The following GAS2L2 variants were observed in gnomAD, a reference collection of about 807,000 sequenced individuals.
GAS2L2 encodes the protein growth arrest specific 2 like 2, also known as GAS2-like protein 2.
In GAS2L2, 21 loss-of-function variants were observed where a neutral mutation model predicts 35.2. The observed-to-expected ratio is 0.60, with a 90% CI of 0.42 to 0.86. The LOEUF (loss-of-function observed/expected upper bound fraction) is 0.86. Ranked by LOEUF, GAS2L2 falls within the 40% of genes least tolerant of loss-of-function variation. The probability of loss-of-function intolerance (pLI) is 0.00; values close to 1 mark genes in which losing one functional copy is unlikely to be tolerated. For synonymous variants in GAS2L2, 490 were observed against 473.2 expected, an observed-to-expected ratio of 1.04 and a Z score of -0.46; for missense variants, 1,169 against 1,144.4, an observed-to-expected ratio of 1.02 and a Z score of -0.31.
intron 4 of GAS2L2, among the ~76,000 whole-genome samples, chr17:35,747,474 G>T (rs2085676244): frequency 6.6e-6 from 1 of 152,122 alleles, no homozygotes; most frequent in African/African-American, 2.4e-5. Context: ...TTTAGTGCGG[G>T]TACACAACTT....
chr17:35,750,452 T>G, intron 1 of GAS2L2, 134 bp from the exon 2 acceptor site: 2 of 1,249,420 alleles, frequency 1.6e-6, no homozygotes, highest in Non-Finnish European at 2.3e-6. Flanking sequence ...TGGGGAGTGG[T>G]TTGGGTCTCA....
In GAS2L2 at chr17:35,745,849, G is replaced by A. The variant is rs782094861; in HGVS notation, c.1648C>T (p.His550Tyr). 25 of 1,613,816 alleles carry A rather than the reference G, an allele frequency of 1.5e-5. No individual in the cohort carries two copies. Among genetic ancestry groups the A allele is most frequent in the Non-Finnish European group, 1.9e-5 (22 of 1,180,028 alleles). ...CTCACTTCCACAGAGCAGTCCCCAT[G>A]CGTGGACCCAGCCAGGTCCACAGTG... ...AVTVDLAGST[H>Y]GDCSVEVRQE... The change falls in exon 6 of 6, where the codon CAT becomes TAT. Residue 550 changes from histidine to tyrosine, a missense_variant. Physicochemically the swap from His to Tyr is moderately conservative, Grantham distance 83. Coordinates refer to ENST00000604641, the MANE Select transcript of GAS2L2 (RefSeq NM_139285.4).
Position 35,750,195 on chromosome 17 carries a change from T to C in GAS2L2, c.509A>G (p.Gln170Arg), listed in dbSNP as rs782120985. ...RFGVAAPTLVQLEEEIEEEVR... is the reference protein window; with the variant it reads ...RFGVAAPTLVRLEEEIEEEVR... ...CTCCTCCTCGATCTCCTCCTCCAGC[T>C]GCACGAGTGTGGGCGCCGCAACACC... The change falls in exon 2 of 6, where the codon CAG (glutamine) becomes CGG (arginine). Residue 170 changes from glutamine (Q) to arginine (R), a missense_variant. Transcript: ENST00000604641. 1.2e-6 allele frequency: 2 copies of C among 1,613,598 alleles called. No individual in the cohort carries two copies. Among genetic ancestry groups the C allele is most frequent in the Admixed American group, 3.3e-5 (2 of 59,984 alleles).
intron 1 of GAS2L2, 121 bp from the exon 2 acceptor site, chr17:35,750,439 A>G: frequency 7.4e-7 from 1 of 1,350,070 alleles, no homozygotes; most frequent in South Asian, 1.2e-5. Flanking sequence ...GGGGCAGCAG[A>G]CATGGGGAGT....
rs782236625 is a variant in GAS2L2, at chr17:35,752,841, G to T, written c.10C>A (p.Pro4Thr). The change falls in exon 1 of 6, where the codon CCT (proline) becomes ACT (threonine). Residue 4 changes from proline to threonine, a missense_variant. Pro to Thr is a conservative substitution (Grantham distance 38). This residue lies in a region of GAS2L2 where 127 missense variants were observed against 146.1 expected (regional missense o/e 0.87). Coordinates refer to ENST00000604641, the MANE Select transcript of GAS2L2 (RefSeq NM_139285.4). Reference sequence around the variant, plus strand: ...CTGGGCTTCCTCCTGCCTCCCGCAGGCTGGGACATGGCTGGACCCCAGCAG... The same window carrying T: ...CTGGGCTTCCTCCTGCCTCCCGCAGTCTGGGACATGGCTGGACCCCAGCAG... MSQ[P>T]AGGRRKPRTL... 7 of 1,596,704 alleles carry T rather than the reference G, an allele frequency of 4.4e-6. No homozygotes were observed. The highest frequency in any genetic ancestry group is 2.7e-5 in the African/African-American group (2 of 74,654).
intron 4 of GAS2L2, 135 bp from the exon 5 acceptor site, chr17:35,747,403 G>C: frequency 9.5e-7 from 1 of 1,054,516 alleles, no homozygotes; most frequent in Non-Finnish European, 1.3e-6. Flanking sequence ...TGGCAACACC[G>C]GAGTTTCTTT....
rs2143021545 is a variant in GAS2L2 at position 35,746,182 on chromosome 17, T to G, written c.1315A>C (p.Arg439=). The G allele has an allele frequency of 6.7e-7, 1 of 1,483,192 alleles. No individual in the cohort carries two copies. The highest frequency in any genetic ancestry group is 2.3e-5 in the East Asian group (1 of 43,424). The allele number at this position is 1,483,192 out of a possible 1,614,324, so 91.9% of individuals were successfully genotyped here. A position where few individuals can be genotyped will look rare whatever the true frequency, so the allele number is the denominator to read the frequency against. ...GTDAGNPTPQ[R]LRAIEATTKG... is the part of the protein sequence containing the mutation. The stretch of plus-strand genomic sequence containing the variant: ...GTGGTGGCCTCAATGGCTCGGAGTC[T>G]TTGTGGGGTGGGGTTCCCGGCGTCG... Residue 439 remains arginine (R), a synonymous_variant, in exon 6 of 6, where the codon AGA becomes CGA. Transcript: ENST00000604641.
At position 35,752,628 on chromosome 17, in the gene GAS2L2, C is replaced by T. The variant is rs782308715; in HGVS notation, c.223G>A (p.Ala75Thr). The change falls in exon 1 of 6, where the codon GCT (alanine) becomes ACT (threonine). Residue 75 changes from alanine (A) to threonine (T), a missense_variant. Ala to Thr is a moderately conservative substitution (Grantham distance 58). This residue lies in a region of GAS2L2 where 127 missense variants were observed against 146.1 expected (regional missense o/e 0.87). Transcript: ENST00000604641. The stretch of plus-strand genomic sequence containing the variant: ...GCCTCAGCCAGGAAGGCCAGGGCAG[C>T]GTCAGTGACAACGTTGGCGTGTTGG... ...LCQHANVVTD[A>T]ALAFLAEAPA... 6 of 1,613,650 alleles carry T rather than the reference C, an allele frequency of 3.7e-6. No homozygotes were observed. The Admixed American group carries it at 5.0e-5, about 13-fold the overall frequency.
intron 1 of GAS2L2, among the ~76,000 whole-genome samples, chr17:35,752,167 G>A (rs1471727351): frequency 3.9e-5 from 6 of 152,270 alleles, no homozygotes; most frequent in African/African-American, 9.6e-5. Flanking sequence ...TTTGTTGGGC[G>A]CTGGGTCTCT....
chr17:35,744,606 T>C lies in GAS2L2; in HGVS notation c.*248A>G. ...AGAGGCCAGGAGTGTGGTGAGCCGT[T>C]CTAGGGGAGAGTAATGAGATACAGG... On this transcript the variant is annotated 3_prime_UTR_variant, in exon 6 of 6. Transcript: ENST00000604641. 1 of 521,704 alleles carries C rather than the reference T, an allele frequency of 1.9e-6. No individual in the cohort carries two copies. The highest frequency in any genetic ancestry group is 3.4e-6 in the Non-Finnish European group (1 of 292,250). The allele number at this position is 521,704 out of a possible 1,614,324, so 32.3% of individuals were successfully genotyped here.
chr17:35,750,484 C>T (rs2085697468), intron 1 of GAS2L2, among the ~76,000 whole-genome samples, 166 bp from the exon 2 acceptor site: 2 of 152,070 alleles, frequency 1.3e-5, no homozygotes, highest in African/African-American at 2.4e-5. Flanking sequence ...TCAAGTCAGC[C>T]CCCTAGGAGG....
rs1351229365 is a variant in GAS2L2 at position 35,748,935 on chromosome 17, T to C, written c.735+175A>G. The stretch of plus-strand genomic sequence containing the variant: ...AGCTCCAAGGCCTGATGGCTTGGGG[T>C]GAATGATGACTTACTGTCATTGTCC... On this transcript the variant is annotated intron_variant, in intron 3 of 5. Coordinates refer to ENST00000604641, the MANE Select transcript of GAS2L2 (RefSeq NM_139285.4). 3.3e-5 allele frequency among the ~76,000 whole-genome samples: 5 copies of C among 152,018 alleles called. No individual in the cohort carries two copies. The East Asian group carries it at 9.7e-4, about 29-fold the overall frequency.
In GAS2L2 at chr17:35,752,699, T is replaced by G; in HGVS notation, c.152A>C (p.Asp51Ala). ...CAGCACCTGCAGGAAGTTGGCTGCG[T>G]CGATGTCCAGCCCATAGAGGTCGCG... ...WLRDLYGLDI[D>A]AANFLQVLET... The change falls in exon 1 of 6, where the codon GAC (aspartate) becomes GCC (alanine). Residue 51 changes from aspartate to alanine, a missense_variant. Coordinates refer to ENST00000604641, the MANE Select transcript of GAS2L2 (RefSeq NM_139285.4). 1 of 1,614,030 alleles carries G rather than the reference T, an allele frequency of 6.2e-7. No homozygotes were observed. The highest frequency in any genetic ancestry group is 8.5e-7 in the Non-Finnish European group (1 of 1,180,038).
At chr17:35,751,299 TGCTTTTTCTGC>T (rs2085701776) in intron 1 of GAS2L2, among the ~76,000 whole-genome samples, 1 of 152,134 alleles carries the variant, frequency 6.6e-6, no homozygotes, top group Non-Finnish European at 1.5e-5. Flanking sequence ...TCACACACCA[TGCTTTTTCTGC>T]GCCTTTGCCC....
Position 35,750,259 on chromosome 17 carries a change from G to A in GAS2L2, c.445C>T (p.Leu149=). The change falls in exon 2 of 6, where the codon CTG becomes TTG. Residue 149 remains leucine (L), a synonymous_variant. Coordinates refer to ENST00000604641, the MANE Select transcript of GAS2L2 (RefSeq NM_139285.4). ...CGGCGGCCCAGCTCCAGCAAACACA[G>A]CACCACGTTCTTCACGTTCTTGCGC... The part of the protein sequence containing the change: ...VLRKNVKNVV[L]CLLELGRRAW... 1.2e-6 allele frequency: 2 copies of A among 1,614,066 alleles called. No individual in the cohort carries two copies. Among genetic ancestry groups the A allele is most frequent in the Non-Finnish European group, 1.7e-6 (2 of 1,179,964 alleles).
rs587635477 is a variant in GAS2L2, at chr17:35,750,330, G to A, written c.386-12C>T. 15 of 1,613,936 alleles carry A rather than the reference G, an allele frequency of 9.3e-6. No homozygotes were observed. The South Asian group carries it at 1.6e-4, about 18-fold the overall frequency. On this transcript the variant is annotated splice_polypyrimidine_tract_variant and intron_variant, in intron 1 of 5. Transcript: ENST00000604641. ...GAACATCAGCACCTCTGGAGTGGAG[G>A]CGGGGAGAAAAGGGCAGAGGCAGCG...
Position 35,746,413 on chromosome 17 carries a change from T to C in GAS2L2, c.1086-2A>G. On this transcript the variant is annotated splice_acceptor_variant, in intron 5 of 5. Transcript: ENST00000604641. LOFTEE classifies it high-confidence loss of function. ...GGGATGAGAGACCTCTCCTGGCACC[T>C]GAAAGGGAGAATCACAAGGCTGCAA... 1 of 1,330,600 alleles carries C rather than the reference T, an allele frequency of 7.5e-7. No homozygotes were observed. The highest frequency in any genetic ancestry group is 2.7e-5 in the East Asian group (1 of 37,326). The allele number at this position is 1,330,600 out of a possible 1,614,324, so 82.4% of individuals were successfully genotyped here.
Position 35,750,212 on chromosome 17 carries a change from C to T in GAS2L2, c.492G>A (p.Ala164=), listed in dbSNP as rs782590508. The T allele has an allele frequency of 3.1e-6, 5 of 1,613,442 alleles. No homozygotes were observed. The highest frequency in any genetic ancestry group is 1.7e-5 in the Admixed American group (1 of 59,982). ...LGRRAWRFGV[A]APTLVQLEEE... ...CCTCCAGCTGCACGAGTGTGGGCGC[C>T]GCAACACCAAAGCGCCACGCCCGGC... is the stretch of plus-strand genomic sequence containing the variant. Residue 164 remains alanine, a synonymous_variant, in exon 2 of 6, where the codon GCG becomes GCA. Coordinates refer to ENST00000604641, the MANE Select transcript of GAS2L2 (RefSeq NM_139285.4).
Position 35,750,207 on chromosome 17 carries a change from G to A in GAS2L2, c.497C>T (p.Pro166Leu), listed in dbSNP as rs2085695046. Residue 166 changes from proline (P) to leucine (L), a missense_variant, in exon 2 of 6, where the codon CCC (proline) becomes CTC (leucine). Physicochemically the swap from Pro to Leu is moderately conservative, Grantham distance 98 (BLOSUM62 -3). Coordinates refer to ENST00000604641, the MANE Select transcript of GAS2L2 (RefSeq NM_139285.4). Reference sequence around the variant, plus strand: ...CTCCTCCTCCAGCTGCACGAGTGTGGGCGCCGCAACACCAAAGCGCCACGC... The same window carrying A: ...CTCCTCCTCCAGCTGCACGAGTGTGAGCGCCGCAACACCAAAGCGCCACGC... ...RRAWRFGVAA[P>L]TLVQLEEEIE... 1.2e-6 allele frequency: 2 copies of A among 1,613,400 alleles called. No individual in the cohort carries two copies. Among genetic ancestry groups the A allele is most frequent in the African/African-American group, 1.3e-5 (1 of 74,910 alleles).
Sources: gnomAD v4.1 joint callset for allele counts (sites outside exome capture counted in the v4.1 genomes callset) on GRCh38, gnomAD v4.1.1 for gene constraint, gnomAD v4.1.1 regional missense constraint, MANE v1.5 for transcripts, NCBI Gene and HGNC (gene_info 2026-07-23, HGNC 2026-07-21) for gene names.